SULF1: variants seen among roughly 807,000 people sequenced by gnomAD.
The protein encoded by SULF1 is sulfatase 1, also known as extracellular sulfatase Sulf-1.
A neutral mutation model predicts 110.5 loss-of-function variants in SULF1; 46 were observed. The observed-to-expected ratio is 0.42, with a 90% CI of 0.33 to 0.53. The LOEUF is 0.53. Ranked by LOEUF, SULF1 falls within the 20% of genes least tolerant of loss-of-function variation. The pLI, the probability that SULF1 is intolerant of heterozygous loss-of-function variation, is 0.12. For missense variants in SULF1, 941 were observed against 1,094.2 expected (o/e 0.86, Z 1.98); for synonymous variants, 371 against 387.1 (o/e 0.96, Z 0.49).
intron 3 of SULF1, among the ~76,000 whole-genome samples, chr8:69,512,494 T>TA (rs1246252361): frequency 6.6e-6 from 1 of 152,210 alleles, no homozygotes; most frequent in Non-Finnish European, 1.5e-5. Context: ...CTCCACCACT[T>TA]ACCAGCTTGT....
chr8:69,647,343 G>T (rs1376972836), intron 22 of SULF1, among the ~76,000 whole-genome samples: 1 of 152,082 alleles, frequency 6.6e-6, no homozygotes, highest in Non-Finnish European at 1.5e-5. Flanking sequence ...AAAGTTATGT[G>T]CATTTACCAA....
intron 13 of SULF1, among the ~76,000 whole-genome samples, chr8:69,617,735 A>G (rs1200870628): frequency 6.6e-6 from 1 of 152,068 alleles, no homozygotes; most frequent in East Asian, 1.9e-4. Context: ...AGCTAAGTCA[A>G]AATTCTGTCA....
At chr8:69,594,665 T>G (rs1807168384) in intron 8 of SULF1, among the ~76,000 whole-genome samples, 1 of 152,108 alleles carries the variant, frequency 6.6e-6, no homozygotes, top group East Asian at 1.9e-4. Flanking sequence ...TTTCCACAAA[T>G]ACGTGAAAGG....
intron 5 of SULF1, among the ~76,000 whole-genome samples, chr8:69,566,461 G>A (rs750830580): frequency 1.6e-4 from 25 of 152,136 alleles, no homozygotes; most frequent in Non-Finnish European, 2.2e-4. Context: ...GACTATCATG[G>A]TGAAGGGTTA....
intron 5 of SULF1, among the ~76,000 whole-genome samples, chr8:69,574,164 G>A (rs187304599): frequency 2.8e-4 from 43 of 152,242 alleles, no homozygotes; most frequent in African/African-American, 6.0e-4. Flanking sequence ...TTAACATGCC[G>A]TTCGTGTCTT....
intron 3 of SULF1, among the ~76,000 whole-genome samples, chr8:69,522,719 T>A (rs1586296209): frequency 6.6e-6 from 1 of 152,278 alleles, no homozygotes; most frequent in East Asian, 1.9e-4. Flanking sequence ...GGAGGAGTTT[T>A]GGGTGCCTTG....
chr8:69,587,848 TTAAG>T (rs566497959), intron 7 of SULF1, among the ~76,000 whole-genome samples: 123 of 152,332 alleles, frequency 8.1e-4, no homozygotes, highest in Middle Eastern at 3.4e-3. Flanking sequence ...TCACAGCTGA[TTAAG>T]TGTCAAAGAC....
chr8:69,534,033 C>T (rs1375816034), intron 3 of SULF1, among the ~76,000 whole-genome samples: 3 of 152,076 alleles, frequency 2.0e-5, no homozygotes, highest in Non-Finnish European at 2.9e-5. Context: ...TGACAAAAAA[C>T]ATGATATGGA....
intron 21 of SULF1, among the ~76,000 whole-genome samples, chr8:69,640,419 C>T (rs1192070242): frequency 6.6e-6 from 1 of 152,202 alleles, no homozygotes; most frequent in Non-Finnish European, 1.5e-5. Flanking sequence ...TCTCCACCTT[C>T]CAGACTATTC....
In SULF1 at chr8:69,603,244, G is replaced by T. The variant is rs778061541; in HGVS notation, c.1114G>T (p.Ala372Ser). 10 of 1,614,004 alleles carry T rather than the reference G, an allele frequency of 6.2e-6. No homozygotes were observed. The Admixed American group carries it at 8.3e-5, about 13-fold the overall frequency. ...IDLAPTILDIAGLDTPPDVDG... is the reference protein window; with the variant it reads ...IDLAPTILDISGLDTPPDVDG... ...CTTGGCCCCCACGATCCTGGATATT[G>T]CTGGGCTCGACACACCTCCTGATGT... Residue 372 changes from alanine to serine, a missense_variant, in exon 11 of 23, where the codon GCT becomes TCT. By Grantham distance (99) the Ala-to-Ser change is moderately conservative (BLOSUM62 1). This residue lies in a region of SULF1 where 822 missense variants were observed against 934.3 expected (regional missense o/e 0.88). Coordinates refer to ENST00000402687, the MANE Select transcript of SULF1 (RefSeq NM_001128205.2).
chr8:69,476,712 G>A lies in SULF1; in HGVS notation c.-391+9762G>A, dbSNP rs528952502. 2.0e-5 allele frequency among the ~76,000 whole-genome samples: 3 copies of A among 152,310 alleles called. No individual in the cohort carries two copies. The East Asian group carries it at 5.8e-4, about 29-fold the overall frequency. On this transcript the variant is annotated intron_variant, in intron 1 of 22. Coordinates refer to the SULF1 transcript ENST00000260128. ...TCCCCTGGAAGAAACGCCAGCCTAA[G>A]TATCAGCACCTGTAATCTATTTCTC... is the stretch of plus-strand genomic sequence containing the variant.
rs773496068 is a variant in SULF1 at position 69,586,335 on chromosome 8, T to A, written c.413-22T>A. On this transcript the variant is annotated intron_variant, in intron 6 of 22. Transcript: ENST00000402687. Reference sequence around the variant, plus strand: ...GATTAATCATTTTACGTGAAAAAAATAATTCTTTTTTCCCACTGCAGCCTT... The same window carrying A: ...GATTAATCATTTTACGTGAAAAAAAAAATTCTTTTTTCCCACTGCAGCCTT... The A allele has an allele frequency of 8.4e-6, 13 of 1,544,464 alleles. No individual in the cohort carries two copies. In the South Asian group the frequency reaches 8.6e-5, roughly 10 times the overall value.
chr8:69,524,245 G>A (rs1240427789), intron 3 of SULF1, among the ~76,000 whole-genome samples: 1 of 152,004 alleles, frequency 6.6e-6, no homozygotes, highest in Non-Finnish European at 1.5e-5. Context: ...ATCCATTCTT[G>A]CCTTGCTATA....
intron 3 of SULF1, among the ~76,000 whole-genome samples, chr8:69,521,262 AGGCATGG>A (rs1486060871): frequency 6.6e-6 from 1 of 152,186 alleles, no homozygotes; most frequent in Non-Finnish European, 1.5e-5. Context: ...GCCCTGTTCT[AGGCATGG>A]GATACATTAC....
chr8:69,568,292 C>T (rs573887672), intron 5 of SULF1, among the ~76,000 whole-genome samples: 4 of 152,122 alleles, frequency 2.6e-5, no homozygotes, highest in African/African-American at 9.7e-5. Flanking sequence ...TAAAACAATC[C>T]TATCTGTTTA....
At chr8:69,526,186 C>A (rs1812648869) in intron 3 of SULF1, among the ~76,000 whole-genome samples, 1 of 152,094 alleles carries the variant, frequency 6.6e-6, no homozygotes, top group African/African-American at 2.4e-5. Context: ...ATCTCAGGAA[C>A]CTTCTCACTG....
At position 69,576,218 on chromosome 8, in the gene SULF1, T is replaced by C. The variant is rs765314292; in HGVS notation, c.412+9T>C. 6 of 1,612,196 alleles carry C rather than the reference T, an allele frequency of 3.7e-6. No homozygotes were observed. The East Asian group carries it at 1.1e-4, about 30-fold the overall frequency. On this transcript the variant is annotated intron_variant, in intron 6 of 22. Coordinates refer to ENST00000402687, the MANE Select transcript of SULF1 (RefSeq NM_001128205.2). ...CACTGGCTACAGAACAGGTAAGGGA[T>C]GACGTTTCTAGCCCATGAACGTCTT...
chr8:69,651,237 G>C (rs1161463139), intron 22 of SULF1, among the ~76,000 whole-genome samples: 1 of 151,846 alleles, frequency 6.6e-6, no homozygotes, highest in Non-Finnish European at 1.5e-5. Flanking sequence ...ATTTTTAGTA[G>C]AGACAGGGTT....
rs1400268204 is a variant in SULF1, at chr8:69,536,272, A to T, written c.-133-27267A>T. The stretch of plus-strand genomic sequence containing the variant: ...GCTTACATGTGTAAATTCACCTGGC[A>T]GCTCCTAAGAAGGGCTTGTCTAGTT... On this transcript the variant is annotated intron_variant, in intron 3 of 22. Transcript: ENST00000402687. Among the ~76,000 whole-genome samples, 3 of 152,326 alleles carry T rather than the reference A, an allele frequency of 2.0e-5. No individual in the cohort carries two copies. The East Asian group carries it at 5.8e-4, about 29-fold the overall frequency.
Sources: allele counts gnomAD v4.1 joint callset (sites outside exome capture counted in the v4.1 genomes callset), GRCh38; gene constraint gnomAD v4.1.1; regional missense constraint gnomAD v4.1.1; transcripts MANE v1.5; gene names NCBI Gene and HGNC (gene_info 2026-07-23, HGNC 2026-07-21).